PDE4D: variants seen among roughly 807,000 people sequenced by gnomAD.
PDE4D encodes the protein phosphodiesterase 4D, also known as 3',5'-cyclic-AMP phosphodiesterase 4D.
PDE4D carries 24 observed loss-of-function variants against 87.4 expected under a neutral mutation model. The observed-to-expected ratio is 0.27, with a 90% CI of 0.20 to 0.39. The LOEUF (loss-of-function observed/expected upper bound fraction) is 0.39. PDE4D is among the 10% of genes least tolerant of loss of function. PDE4D has a pLI of 1.00. For missense variants in PDE4D, 714 were observed against 1,041.0 expected (o/e 0.69, Z 4.32); for synonymous variants, 384 against 383.2 (o/e 1.00, Z -0.02).
chr5:59,919,425 T>C (rs1754427950), intron 3 of PDE4D, among the ~76,000 whole-genome samples: 1 of 152,236 alleles, frequency 6.6e-6, no homozygotes, highest in Non-Finnish European at 1.5e-5. Flanking sequence ...GTTTATTCTT[T>C]CATTAGATAT....
At chr5:60,418,527 A>T (rs1742816565) in intron 1 of PDE4D, among the ~76,000 whole-genome samples, 1 of 151,776 alleles carries the variant, frequency 6.6e-6, no homozygotes, top group Non-Finnish European at 1.5e-5. Flanking sequence ...CCTTCTATAG[A>T]CTATTTTCCT....
chr5:59,441,483 T>C (rs182675450), intron 1 of PDE4D, among the ~76,000 whole-genome samples: 1 of 152,344 alleles, frequency 6.6e-6, no homozygotes, highest in East Asian at 1.9e-4. Flanking sequence ...GTCTCGGTTC[T>C]TTTGGCAGTT....
At chr5:59,869,704 C>T (rs1747542705) in intron 1 of PDE4D, among the ~76,000 whole-genome samples, 3 of 152,048 alleles carry the variant, frequency 2.0e-5, no homozygotes, top group African/African-American at 7.2e-5. Flanking sequence ...AAACAATAGT[C>T]CTTGACCTCA....
At chr5:60,204,082 AAAG>A (rs1479448854) in intron 1 of PDE4D, among the ~76,000 whole-genome samples, 2 of 152,182 alleles carry the variant, frequency 1.3e-5, no homozygotes, top group African/African-American at 4.8e-5. Context: ...CTGTAAATTA[AAAG>A]AAGAAAGCAC....
chr5:59,294,914 C>T (rs937809421), intron 1 of PDE4D, among the ~76,000 whole-genome samples: 8 of 152,112 alleles, frequency 5.3e-5, no homozygotes, highest in Non-Finnish European at 1.0e-4. Context: ...TTGTGACAGC[C>T]ATTAAGAGTT....
intron 2 of PDE4D, among the ~76,000 whole-genome samples, chr5:60,046,368 T>G (rs1416956729): frequency 6.6e-6 from 1 of 152,188 alleles, no homozygotes; most frequent in African/African-American, 2.4e-5. Context: ...TTCCTTCTCC[T>G]GCCTAATTGC....
At chr5:59,668,854 A>AGAGGAAGAG (rs1561441385) in intron 1 of PDE4D, among the ~76,000 whole-genome samples, 1 of 56,668 alleles carries the variant, frequency 1.8e-5, no homozygotes, top group African/African-American at 9.1e-5. Context: ...AGGAAGAAGA[A>AGAGGAAGAG]GAAGAAGAAG....
intron 1 of PDE4D, among the ~76,000 whole-genome samples, chr5:60,306,257 T>G (rs1754490437): frequency 6.6e-6 from 1 of 152,076 alleles, no homozygotes; most frequent in African/African-American, 2.4e-5. Context: ...AAATTGTAAT[T>G]ACAAACTATT....
chr5:59,233,477 T>C (rs1197292819), intron 1 of PDE4D, among the ~76,000 whole-genome samples: 1 of 152,178 alleles, frequency 6.6e-6, no homozygotes, highest in Non-Finnish European at 1.5e-5. Flanking sequence ...GAACCACTCT[T>C]CACTGTTGCC....
At chr5:59,780,487 C>A (rs1215044781) in intron 1 of PDE4D, among the ~76,000 whole-genome samples, 1 of 152,170 alleles carries the variant, frequency 6.6e-6, no homozygotes, top group Non-Finnish European at 1.5e-5. Flanking sequence ...AAGGAAAAAG[C>A]ATTAACTTTC....
intron 1 of PDE4D, among the ~76,000 whole-genome samples, chr5:60,379,324 C>T (rs1394393814): frequency 6.6e-6 from 1 of 152,166 alleles, no homozygotes; most frequent in African/African-American, 2.4e-5. Context: ...CCAAGTATAG[C>T]TGATCCAGTT....
chr5:59,765,586 C>T (rs146811588), intron 1 of PDE4D, among the ~76,000 whole-genome samples: 2 of 152,272 alleles, frequency 1.3e-5, no homozygotes, highest in Non-Finnish European at 2.9e-5. Context: ...GTGCACTTCC[C>T]GGCCTGTCTC....
In PDE4D at chr5:59,432,986, A is replaced by C. The variant is rs1345067029; in HGVS notation, c.456-217018T>G. ...ATTTGGGAGAAACATCACTAATTTT[A>C]CAATATGGATGTAATGCCTAATGAC... On this transcript the variant is annotated intron_variant, in intron 1 of 14. Transcript: ENST00000340635. Among the ~76,000 whole-genome samples, 3 of 152,148 alleles carry C rather than the reference A, an allele frequency of 2.0e-5. No homozygotes were observed. The East Asian group carries it at 5.8e-4, about 29-fold the overall frequency.
chr5:59,955,918 C>T, intron 3 of PDE4D, among the ~76,000 whole-genome samples: 1 of 152,112 alleles, frequency 6.6e-6, no homozygotes, highest in Non-Finnish European at 1.5e-5. Context: ...GTATTTTACT[C>T]CTCTCTAAAT....
intron 1 of PDE4D, among the ~76,000 whole-genome samples, chr5:59,566,573 T>A (rs867273748): frequency 1.6e-5 from 1 of 64,022 alleles, no homozygotes; most frequent in Non-Finnish European, 4.0e-5. Flanking sequence ...TGTGTGTGTG[T>A]GTGTGTGTGT....
At chr5:58,999,883 C>G in intron 6 of PDE4D, 3 of 986,146 alleles carry the variant, frequency 3.0e-6, no homozygotes, top group African/African-American at 1.7e-5. Context: ...TGTCAAGATG[C>G]TTAGTTGCAA....
chr5:60,020,338 C>T lies in PDE4D; in HGVS notation c.43-31621G>A, dbSNP rs183704072. Among the ~76,000 whole-genome samples the T allele has an allele frequency of 2.6e-5, 4 of 152,236 alleles. No homozygotes were observed. The East Asian group carries it at 5.8e-4, about 22-fold the overall frequency. The stretch of plus-strand genomic sequence containing the variant: ...TATTGTGAGAATTACCAAAATGAGA[C>T]ACAAAGTGAGCACATGCTGTGGAAA... On this transcript the variant is annotated intron_variant, in intron 2 of 16. Coordinates refer to the PDE4D transcript ENST00000502484.
At chr5:59,870,970 A>G (rs1747739346) in intron 1 of PDE4D, among the ~76,000 whole-genome samples, 2 of 152,202 alleles carry the variant, frequency 1.3e-5, no homozygotes, top group East Asian at 3.8e-4. Context: ...ACACATAAAT[A>G]CACACTCACA....
At chr5:59,477,960 A>G (rs1803587088) in intron 1 of PDE4D, among the ~76,000 whole-genome samples, 1 of 152,106 alleles carries the variant, frequency 6.6e-6, no homozygotes, top group African/African-American at 2.4e-5. Flanking sequence ...CAAATACCAC[A>G]CGCTCTCACT....
Sources: gnomAD v4.1 joint callset for allele counts (sites outside exome capture counted in the v4.1 genomes callset) on GRCh38, gnomAD v4.1.1 for gene constraint, MANE v1.5 for transcripts, NCBI Gene and HGNC (gene_info 2026-07-23, HGNC 2026-07-21) for gene names.